RANBP2: variants seen among roughly 807,000 people sequenced by gnomAD.
RANBP2 encodes the protein RAN binding protein 2.
RANBP2 carries 57 observed loss-of-function variants against 303.6 expected under a neutral mutation model. That is an observed-to-expected ratio of 0.19 (90% CI 0.15 to 0.23). The LOEUF (loss-of-function observed/expected upper bound fraction) is 0.23, where lower values mean the gene tolerates loss of function less well. Among genes scored for constraint, RANBP2 ranks in the 10% least tolerant of loss-of-function variants. RANBP2 has a pLI of 1.00. For synonymous variants in RANBP2, 1,167 were observed against 1,301.5 expected (o/e 0.90, Z 2.23); for missense variants, 3,138 against 3,780.8 (o/e 0.83, Z 4.46).
At chr2:109,022,789 G>C in the RANBP2 span, among the ~76,000 whole-genome samples, 23 of 152,298 alleles carry the variant, frequency 1.5e-4, no homozygotes, top group East Asian at 4.1e-3. Context: ...GGTGGCTCAC[G>C]CATGTAATCC....
the RANBP2 span, among the ~76,000 whole-genome samples, chr2:109,403,506 G>T: frequency 3.9e-5 from 6 of 152,238 alleles, 1 homozygote; most frequent in Admixed American, 3.3e-4. Context: ...CCCCACTCTT[G>T]TCAGGACATG....
At chr2:109,228,358 G>A in the RANBP2 span, among the ~76,000 whole-genome samples, 1 of 152,170 alleles carries the variant, frequency 6.6e-6, no homozygotes, top group Admixed American at 6.5e-5. Flanking sequence ...TTTGGGATGT[G>A]TGTTCTATTT....
the RANBP2 span, among the ~76,000 whole-genome samples, chr2:109,088,424 G>A: frequency 4.3e-3 from 637 of 147,304 alleles, 9 homozygotes; most frequent in African/African-American, 0.014. Context: ...AAAGAGCAGC[G>A]AAAGAGACAA....
chr2:109,705,074 A>AAAATAAAT, the RANBP2 span, among the ~76,000 whole-genome samples: 41 of 144,984 alleles, frequency 2.8e-4, no homozygotes, highest in African/African-American at 9.8e-4. Flanking sequence ...ACTCCCTCTC[A>AAAATAAAT]AAATAAATAA....
chr2:108,863,841 T>C, the RANBP2 span, among the ~76,000 whole-genome samples: 5 of 152,230 alleles, frequency 3.3e-5, no homozygotes, highest in African/African-American at 9.6e-5. Context: ...TAACAGTTCC[T>C]TCTGTAACTT....
the RANBP2 span, among the ~76,000 whole-genome samples, chr2:109,730,491 G>A: frequency 1.3e-5 from 2 of 152,220 alleles, no homozygotes; most frequent in South Asian, 4.1e-4. Flanking sequence ...TGGATGACTT[G>A]TAAAAGTTAA....
At chr2:109,361,491 T>C in the RANBP2 span, among the ~76,000 whole-genome samples, 5 of 152,222 alleles carry the variant, frequency 3.3e-5, no homozygotes, top group Non-Finnish European at 5.9e-5. Flanking sequence ...TTTCTTTTTT[T>C]AAAATGGAGT....
the RANBP2 span, among the ~76,000 whole-genome samples, chr2:109,328,583 A>G: frequency 4.6e-5 from 7 of 152,200 alleles, no homozygotes; most frequent in Non-Finnish European, 8.8e-5. Flanking sequence ...ATTCAGAATC[A>G]TCTTTGTACT....
chr2:108,800,624 T>A, the RANBP2 span, among the ~76,000 whole-genome samples: 1 of 140,726 alleles, frequency 7.1e-6, no homozygotes, highest in Admixed American at 7.0e-5. Flanking sequence ...TTTTTTTTTT[T>A]TTTTTTTTTT....
the RANBP2 span, among the ~76,000 whole-genome samples, chr2:108,830,407 A>G: frequency 6.6e-6 from 1 of 152,254 alleles, no homozygotes; most frequent in Non-Finnish European, 1.5e-5. Flanking sequence ...TTTTACCATA[A>G]TAAAGATTTT....
chr2:109,594,468 G>GT, the RANBP2 span, among the ~76,000 whole-genome samples: 66 of 150,956 alleles, frequency 4.4e-4, no homozygotes, highest in South Asian at 1.3e-3. Context: ...CTGCACTGTG[G>GT]TTTTTTTTTG....
chr2:109,273,386 G>T, the RANBP2 span, among the ~76,000 whole-genome samples: 1 of 152,218 alleles, frequency 6.6e-6, no homozygotes, highest in Non-Finnish European at 1.5e-5. Flanking sequence ...CATGGATGAG[G>T]GGGGAGGCAG....
chr2:108,962,358 A>C, the RANBP2 span, among the ~76,000 whole-genome samples: 3 of 152,188 alleles, frequency 2.0e-5, no homozygotes, highest in Admixed American at 6.5e-5. Flanking sequence ...TCAAAGCTCA[A>C]ATAGCCAATA....
the RANBP2 span, among the ~76,000 whole-genome samples, chr2:109,098,396 A>T: frequency 6.6e-6 from 1 of 152,250 alleles, no homozygotes; most frequent in African/African-American, 2.4e-5. Flanking sequence ...TTTCTGAATA[A>T]GCCAGTCTCA....
the RANBP2 span, among the ~76,000 whole-genome samples, chr2:109,461,935 C>T: frequency 5.3e-5 from 8 of 152,242 alleles, no homozygotes; most frequent in South Asian, 1.7e-3. Context: ...GCCCCACTCA[C>T]CTTTTTAACT....
chr2:109,001,874 C>T, the RANBP2 span, among the ~76,000 whole-genome samples: 343 of 151,938 alleles, frequency 2.3e-3, 2 homozygotes, highest in Middle Eastern at 6.8e-3. Flanking sequence ...GGACTATAGG[C>T]GCCCGCCACC....
At chr2:109,056,294 G>A in the RANBP2 span, among the ~76,000 whole-genome samples, 3 of 152,154 alleles carry the variant, frequency 2.0e-5, no homozygotes, top group African/African-American at 4.8e-5. Context: ...AGCCTGTGGA[G>A]TAACTAGGTC....
the RANBP2 span, among the ~76,000 whole-genome samples, chr2:109,029,958 CT>C: frequency 6.6e-6 from 1 of 152,204 alleles, no homozygotes. Flanking sequence ...ATCCTGGTTG[CT>C]ATCTCTGTAT....
chr2:109,076,023 A>C, the RANBP2 span, among the ~76,000 whole-genome samples: 1 of 150,940 alleles, frequency 6.6e-6, no homozygotes, highest in East Asian at 1.9e-4. Flanking sequence ...TGATGAACAT[A>C]GATGCAAAAA....
Sources: allele counts gnomAD v4.1 joint callset (sites outside exome capture counted in the v4.1 genomes callset), GRCh38; gene constraint gnomAD v4.1.1; transcripts MANE v1.5; gene names NCBI Gene and HGNC (gene_info 2026-07-23, HGNC 2026-07-21).